Variants in CDIN1 observed in about 807,000 individuals in gnomAD.
CDIN1 encodes the protein CDAN1-interacting nuclease 1.
A neutral mutation model predicts 45.3 loss-of-function variants in CDIN1; 33 were observed. That is an observed-to-expected ratio of 0.73 (90% CI 0.55 to 0.97). CDIN1 has a LOEUF of 0.97. Among genes scored for constraint, CDIN1 ranks in the 50% least tolerant of loss-of-function variants. The pLI, the probability that CDIN1 is intolerant of heterozygous loss-of-function variation, is 0.00. For synonymous variants in CDIN1, 118 were observed against 124.4 expected (o/e 0.95, Z 0.34); for missense variants, 303 against 339.4 (o/e 0.89, Z 0.84).
At chr15:36,653,883 C>T (rs1037436656) in intron 3 of CDIN1, among the ~76,000 whole-genome samples, 7 of 152,292 alleles carry the variant, frequency 4.6e-5, no homozygotes, top group Middle Eastern at 3.4e-3. Context: ...ACACCTTCTG[C>T]CCCCACCTTC....
intron 7 of CDIN1, 103 bp downstream of exon 7, chr15:36,692,278 A>C (rs1209310872): frequency 9.6e-7 from 1 of 1,042,282 alleles, no homozygotes; most frequent in Non-Finnish European, 1.4e-6. Context: ...CACAAAACAC[A>C]TTTCATACTC....
At chr15:36,772,667 A>G (rs2054108192) in intron 10 of CDIN1, among the ~76,000 whole-genome samples, 1 of 152,184 alleles carries the variant, frequency 6.6e-6, no homozygotes, top group Non-Finnish European at 1.5e-5. Flanking sequence ...ATAGATACAT[A>G]CTGAGGAAAT....
intron 10 of CDIN1, among the ~76,000 whole-genome samples, chr15:36,759,139 T>C (rs933647513): frequency 6.6e-6 from 1 of 152,084 alleles, no homozygotes; most frequent in Non-Finnish European, 1.5e-5. Flanking sequence ...CCCACCAAGA[T>C]ACATCGAGGG....
At chr15:36,693,082 G>A (rs914266721) in intron 7 of CDIN1, among the ~76,000 whole-genome samples, 7 of 152,126 alleles carry the variant, frequency 4.6e-5, no homozygotes, top group Non-Finnish European at 1.0e-4. Flanking sequence ...TACTAGTTAG[G>A]AGGCTTTTTG....
chr15:36,583,139 G>T (rs1330651823), intron 1 of CDIN1, among the ~76,000 whole-genome samples: 2 of 151,650 alleles, frequency 1.3e-5, no homozygotes, highest in Admixed American at 1.3e-4. Flanking sequence ...ACTTTTAAAT[G>T]TATGCTTTTT....
intron 1 of CDIN1, chr15:36,613,784 A>G (rs527633079): frequency 3.7e-6 from 6 of 1,602,654 alleles, no homozygotes; most frequent in Non-Finnish European, 5.1e-6. Context: ...TGAAGAAAAG[A>G]TAGAACTCCA....
At chr15:36,751,499 G>A (rs1294781079) in intron 10 of CDIN1, among the ~76,000 whole-genome samples, 2 of 151,098 alleles carry the variant, frequency 1.3e-5, no homozygotes, top group African/African-American at 2.4e-5. Flanking sequence ...CTTGAGACCA[G>A]CCTGGGCAAC....
chr15:36,689,545 C>T (rs959214577), intron 5 of CDIN1, among the ~76,000 whole-genome samples: 17 of 152,092 alleles, frequency 1.1e-4, no homozygotes, highest in Non-Finnish European at 2.2e-4. Context: ...TCTGCCATTA[C>T]CATGTGGTGA....
chr15:36,613,948 C>CTG (rs2038768598), intron 1 of CDIN1: 3 of 1,548,218 alleles, frequency 1.9e-6, no homozygotes, highest in Admixed American at 3.3e-5. Context: ...GATGGATGAG[C>CTG]AGATCAGACT....
chr15:36,756,274 T>C (rs971862635), intron 10 of CDIN1, among the ~76,000 whole-genome samples: 4 of 152,236 alleles, frequency 2.6e-5, no homozygotes, highest in Non-Finnish European at 4.4e-5. Context: ...GTTTTTGTTT[T>C]TGTTTTTGTT....
intron 10 of CDIN1, among the ~76,000 whole-genome samples, chr15:36,751,879 C>T (rs2053482861): frequency 1.3e-5 from 2 of 152,278 alleles, no homozygotes; most frequent in Admixed American, 1.3e-4. Context: ...CCATTATGCT[C>T]AGCAAACTAA....
intron 8 of CDIN1, among the ~76,000 whole-genome samples, chr15:36,701,026 T>C (rs1041965824): frequency 2.6e-5 from 4 of 152,018 alleles, no homozygotes; most frequent in African/African-American, 9.7e-5. Context: ...ACTGTGGTCA[T>C]TCCACTGCAT....
chr15:36,648,268 G>A (rs1236545379), intron 3 of CDIN1, among the ~76,000 whole-genome samples: 2 of 151,976 alleles, frequency 1.3e-5, no homozygotes, highest in African/African-American at 4.8e-5. Flanking sequence ...ATAAGCAATT[G>A]TGAATCCTGA....
At chr15:36,687,145 A>G (rs1418560001) in intron 5 of CDIN1, among the ~76,000 whole-genome samples, 1 of 152,030 alleles carries the variant, frequency 6.6e-6, no homozygotes, top group East Asian at 1.9e-4. Context: ...GTAGGGAGAA[A>G]AGAGGAGAAA....
At chr15:36,679,291 C>T (rs141389440) in intron 5 of CDIN1, among the ~76,000 whole-genome samples, 2 of 152,250 alleles carry the variant, frequency 1.3e-5, no homozygotes, top group East Asian at 1.9e-4. Context: ...ATGGCAGGGC[C>T]CTGACTTTAT....
At chr15:36,725,217 A>T (rs1216998064) in intron 10 of CDIN1, among the ~76,000 whole-genome samples, 1 of 152,116 alleles carries the variant, frequency 6.6e-6, no homozygotes, top group Non-Finnish European at 1.5e-5. Flanking sequence ...TCTCCTTCAC[A>T]GATAAACACA....
chr15:36,745,944 C>T lies in CDIN1; in HGVS notation c.716+35983C>T, dbSNP rs181486529. 2.0e-3 allele frequency among the ~76,000 whole-genome samples: 297 copies of T among 152,004 alleles called. 5 individuals are homozygous for T. Among genetic ancestry groups the T allele is most frequent in the Admixed American group, 0.016 (248 of 15,264 alleles). ...TCACGCCATTGCACTCCAGCCTGGG[C>T]GACAGAGTGAGACGCCATCTCCAAA... On this transcript the variant is annotated intron_variant, in intron 10 of 10. Transcript: ENST00000566621.
chr15:36,618,931 G>A (rs1473030254), intron 1 of CDIN1: 1 of 1,518,548 alleles, frequency 6.6e-7, no homozygotes, highest in African/African-American at 1.4e-5. Context: ...GACTCTACAG[G>A]AACCCTGAAA....
intron 1 of CDIN1, among the ~76,000 whole-genome samples, chr15:36,630,792 T>A (rs138186579): frequency 6.6e-6 from 1 of 152,066 alleles, no homozygotes; most frequent in African/African-American, 2.4e-5. Context: ...GGAGCTGATA[T>A]GTGCAGAGAC....
Sources: allele counts gnomAD v4.1 joint callset (sites outside exome capture counted in the v4.1 genomes callset), GRCh38; gene constraint gnomAD v4.1.1; transcripts MANE v1.5; gene names NCBI Gene and HGNC (gene_info 2026-07-23, HGNC 2026-07-21).